Variants in TYW1 observed in about 807,000 individuals in gnomAD.
The protein encoded by TYW1 is tRNA-yW synthesizing protein 1 homolog, also known as S-adenosyl-L-methionine-dependent tRNA 4-demethylwyosine synthase TYW1.
Under a neutral mutation model 96.2 loss-of-function variants are expected in TYW1, and 46 were observed. That is an observed-to-expected ratio of 0.48 (90% CI 0.38 to 0.61). TYW1 has a LOEUF of 0.61. TYW1 is among the 20% of genes least tolerant of loss of function. The pLI is 0.00. For synonymous variants in TYW1, 274 were observed against 323.0 expected (o/e 0.85, Z 1.63); for missense variants, 684 against 909.6 (o/e 0.75, Z 3.19).
chr7:67,058,924 C>T, intron 9 of TYW1, among the ~76,000 whole-genome samples: 1 of 151,978 alleles, frequency 6.6e-6, no homozygotes, highest in Non-Finnish European at 1.5e-5. Context: ...AGACTTTTGT[C>T]AACCTGAATA....
intron 13 of TYW1, among the ~76,000 whole-genome samples, chr7:67,135,603 A>C (rs1379333906): frequency 1.7e-5 from 2 of 120,016 alleles, no homozygotes; most frequent in Non-Finnish European, 3.4e-5. Flanking sequence ...ACGTCCAGCC[A>C]ACAGTTTTTT....
chr7:67,050,816 T>A (rs935392450), intron 8 of TYW1, among the ~76,000 whole-genome samples: 5 of 152,186 alleles, frequency 3.3e-5, no homozygotes, highest in African/African-American at 4.8e-5. Flanking sequence ...ATTCATTTTT[T>A]AAAAATGACT....
chr7:67,032,519 G>T (rs1435134966), intron 7 of TYW1, among the ~76,000 whole-genome samples: 4 of 152,160 alleles, frequency 2.6e-5, no homozygotes, highest in Non-Finnish European at 5.9e-5. Flanking sequence ...TACTCGGGAG[G>T]CTGAGGTAGG....
intron 15 of TYW1, among the ~76,000 whole-genome samples, chr7:67,217,891 T>C (rs139619510): frequency 0.036 from 4,851 of 133,206 alleles, 287 homozygotes; most frequent in African/African-American, 0.12. Flanking sequence ...AGTTTTTCAC[T>C]CTTGTCACCC....
chr7:67,118,077 T>G (rs1797651114), intron 13 of TYW1, among the ~76,000 whole-genome samples: 1 of 152,096 alleles, frequency 6.6e-6, no homozygotes, highest in Non-Finnish European at 1.5e-5. Flanking sequence ...GCAAACCCAG[T>G]ACTTTGGGAG....
At chr7:67,116,058 G>T (rs150961459) in intron 12 of TYW1, among the ~76,000 whole-genome samples, 2,437 of 152,304 alleles carry the variant, frequency 0.016, 40 homozygotes, top group Non-Finnish European at 0.023. Context: ...AGGCACAGTG[G>T]CTCACGCCTG....
At chr7:67,140,485 A>T (rs1288965177) in intron 13 of TYW1, among the ~76,000 whole-genome samples, 1 of 152,210 alleles carries the variant, frequency 6.6e-6, no homozygotes, top group South Asian at 2.1e-4. Flanking sequence ...AAATGTCCTA[A>T]ACATACTGAA....
intron 11 of TYW1, among the ~76,000 whole-genome samples, chr7:67,097,599 A>G (rs1796960820): frequency 6.6e-6 from 1 of 152,142 alleles, no homozygotes; most frequent in Admixed American, 6.5e-5. Flanking sequence ...GGGTTTCACC[A>G]TGTTGCCAGG....
chr7:67,131,426 A>G (rs1035361116), intron 13 of TYW1, among the ~76,000 whole-genome samples: 12 of 152,218 alleles, frequency 7.9e-5, no homozygotes, highest in Admixed American at 6.5e-4. Flanking sequence ...AGAAATAAAT[A>G]TTACAAATTC....
chr7:67,099,219 A>C (rs1342464193), intron 12 of TYW1, among the ~76,000 whole-genome samples: 1 of 151,800 alleles, frequency 6.6e-6, no homozygotes, highest in Non-Finnish European at 1.5e-5. Context: ...TTTAATAGAG[A>C]TGGGCTTTCA....
intron 15 of TYW1, among the ~76,000 whole-genome samples, chr7:67,228,692 CT>C (rs891073955): frequency 6.6e-6 from 1 of 152,190 alleles, no homozygotes; most frequent in African/African-American, 2.4e-5. Flanking sequence ...CTTATTTCAA[CT>C]CTTGAATGTG....
At chr7:67,098,412 C>G (rs1796985155) in intron 11 of TYW1, 129 bp from the exon 12 acceptor site, 2 of 601,680 alleles carry the variant, frequency 3.3e-6, no homozygotes, top group Admixed American at 6.9e-5. Context: ...GCCCTTTAGC[C>G]TTTGTTTTGT....
chr7:66,997,348 A>G (rs1454083292), intron 1 of TYW1, among the ~76,000 whole-genome samples: 6 of 152,098 alleles, frequency 3.9e-5, no homozygotes, highest in Non-Finnish European at 2.9e-5. Flanking sequence ...GTGTAAGGTC[A>G]GTTACTTGAG....
At chr7:67,020,407 T>C (rs1794209847) in intron 6 of TYW1, among the ~76,000 whole-genome samples, 2 of 37,026 alleles carry the variant, frequency 5.4e-5, no homozygotes, top group Admixed American at 2.5e-4. Flanking sequence ...CCCAGCTAAT[T>C]TTTTATGTTT....
chr7:66,997,954 C>T (rs1793245763), intron 1 of TYW1, 111 bp from the exon 2 acceptor site: 6 of 1,359,032 alleles, frequency 4.4e-6, no homozygotes, highest in Middle Eastern at 1.9e-4. Flanking sequence ...AATTAGATTT[C>T]TTAGCTGGGT....
At chr7:67,186,731 A>G (rs1800036894) in intron 14 of TYW1, among the ~76,000 whole-genome samples, 1 of 152,108 alleles carries the variant, frequency 6.6e-6, no homozygotes, top group Non-Finnish European at 1.5e-5. Context: ...GGCCTCAAGC[A>G]GTCCTCCTAC....
intron 7 of TYW1, among the ~76,000 whole-genome samples, chr7:67,029,708 T>C (rs1316490932): frequency 2.0e-5 from 3 of 152,062 alleles, no homozygotes; most frequent in Non-Finnish European, 4.4e-5. Context: ...TTTTTGTTTT[T>C]TGATGTTTTT....
chr7:67,154,715 A>ATC (rs149442763), intron 13 of TYW1, among the ~76,000 whole-genome samples: 1 of 151,936 alleles, frequency 6.6e-6, no homozygotes, highest in Non-Finnish European at 1.5e-5. Flanking sequence ...CTGGTTGTCT[A>ATC]TCTCTCTCTC....
intron 12 of TYW1, among the ~76,000 whole-genome samples, chr7:67,107,981 G>A (rs11769645): frequency 0.29 from 43,557 of 150,632 alleles, 6,903 homozygotes; most frequent in African/African-American, 0.43. Flanking sequence ...GGTTCAAGCA[G>A]TTCTCATGCC....
Sources: gnomAD v4.1 joint callset for allele counts (sites outside exome capture counted in the v4.1 genomes callset) on GRCh38, gnomAD v4.1.1 for gene constraint, MANE v1.5 for transcripts, NCBI Gene and HGNC (gene_info 2026-07-23, HGNC 2026-07-21) for gene names.